DLG2: variants seen among roughly 807,000 people sequenced by gnomAD.
DLG2 encodes the protein discs large MAGUK scaffold protein 2.
A neutral mutation model predicts 132.5 loss-of-function variants in DLG2; 45 were observed. The ratio of observed to expected loss-of-function variants is 0.34; its 90% CI spans 0.27 to 0.44. The LOEUF (loss-of-function observed/expected upper bound fraction) is 0.44. Ranked by LOEUF, DLG2 falls within the 20% of genes least tolerant of loss-of-function variation. DLG2 has a pLI of 1.00. For missense variants in DLG2, 1,045 were observed against 1,196.9 expected (o/e 0.87, Z 1.87); for synonymous variants, 424 against 419.6 (o/e 1.01, Z -0.13).
intron 9 of DLG2, among the ~76,000 whole-genome samples, chr11:84,147,102 C>A (rs1229430299): frequency 2.6e-5 from 4 of 152,020 alleles, no homozygotes; most frequent in African/African-American, 9.7e-5. Flanking sequence ...CGCTCAGGTG[C>A]CAGCTTCTAA....
At chr11:85,257,371 TATGAGAAAGAAAACATA>T (rs1394087678) in intron 4 of DLG2, among the ~76,000 whole-genome samples, 2 of 152,182 alleles carry the variant, frequency 1.3e-5, no homozygotes, top group African/African-American at 4.8e-5. Flanking sequence ...TACAAAAGTG[TATGAGAAAGAAAACATA>T]ATCTAGCTAT....
chr11:84,761,725 C>T (rs2153864383), intron 6 of DLG2, among the ~76,000 whole-genome samples: 1 of 152,250 alleles, frequency 6.6e-6, no homozygotes, highest in East Asian at 1.9e-4. Flanking sequence ...AGACTGAAGG[C>T]TGCTATTGGC....
chr11:83,476,854 G>A (rs2092661360), intron 22 of DLG2, among the ~76,000 whole-genome samples: 1 of 152,062 alleles, frequency 6.6e-6, no homozygotes, highest in African/African-American at 2.4e-5. Flanking sequence ...AAATAGTTTT[G>A]TTGCAGAAAT....
chr11:83,601,134 G>A (rs2058468293), intron 19 of DLG2, among the ~76,000 whole-genome samples: 1 of 152,168 alleles, frequency 6.6e-6, no homozygotes, highest in Admixed American at 6.5e-5. Flanking sequence ...CTCAATAAAT[G>A]TTTACTGAAG....
intron 4 of DLG2, among the ~76,000 whole-genome samples, chr11:85,214,990 C>T (rs989776808): frequency 6.6e-6 from 1 of 152,132 alleles, no homozygotes; most frequent in Admixed American, 6.6e-5. Flanking sequence ...TATCAATTCC[C>T]TGTGCATTTG....
At chr11:84,753,332 C>T (rs1039085704) in intron 6 of DLG2, among the ~76,000 whole-genome samples, 23 of 152,236 alleles carry the variant, frequency 1.5e-4, no homozygotes, top group African/African-American at 5.5e-4. Context: ...AGTTAGGAAA[C>T]AAATCCCATA....
chr11:83,911,733 A>T (rs1237203741), intron 15 of DLG2, among the ~76,000 whole-genome samples: 1 of 152,138 alleles, frequency 6.6e-6, no homozygotes, highest in African/African-American at 2.4e-5. Flanking sequence ...AGTGTTCTCT[A>T]ATAAGGCTAG....
chr11:84,596,052 T>G (rs932117593), intron 6 of DLG2, among the ~76,000 whole-genome samples: 1 of 152,140 alleles, frequency 6.6e-6, no homozygotes, highest in African/African-American at 2.4e-5. Context: ...AGAAAAAATA[T>G]TTTTTCCACA....
At chr11:84,853,591 C>T (rs1415537085) in intron 6 of DLG2, among the ~76,000 whole-genome samples, 6 of 151,976 alleles carry the variant, frequency 3.9e-5, no homozygotes, top group Non-Finnish European at 7.4e-5. Flanking sequence ...TACCCTGCAT[C>T]GAGCACTGTG....
At chr11:83,674,146 C>T (rs1309259177) in intron 18 of DLG2, among the ~76,000 whole-genome samples, 1 of 152,120 alleles carries the variant, frequency 6.6e-6, no homozygotes, top group Non-Finnish European at 1.5e-5. Flanking sequence ...GGTATTAATG[C>T]TTTAGTTGCT....
chr11:84,829,571 AG>A (rs1366364403), intron 6 of DLG2, among the ~76,000 whole-genome samples: 2 of 151,744 alleles, frequency 1.3e-5, no homozygotes, highest in African/African-American at 4.8e-5. Context: ...ACAGTTAAAC[AG>A]GTCTATATTT....
intron 6 of DLG2, among the ~76,000 whole-genome samples, chr11:84,947,471 T>C (rs1345529990): frequency 6.6e-6 from 1 of 152,196 alleles, no homozygotes; most frequent in Non-Finnish European, 1.5e-5. Flanking sequence ...ACTAATCACA[T>C]AGGATGTCCC....
At chr11:84,975,789 C>T (rs1263462978) in intron 6 of DLG2, among the ~76,000 whole-genome samples, 1 of 152,182 alleles carries the variant, frequency 6.6e-6, no homozygotes. Flanking sequence ...AAACTGTCTT[C>T]CTCTCCTGGT....
At chr11:85,574,441 T>C (rs990553263) in intron 3 of DLG2, among the ~76,000 whole-genome samples, 1 of 146,814 alleles carries the variant, frequency 6.8e-6, no homozygotes, top group African/African-American at 2.5e-5. Context: ...AAAAAAAAAA[T>C]GACTCCTCCT....
intron 6 of DLG2, among the ~76,000 whole-genome samples, chr11:84,777,325 A>G (rs1229784809): frequency 1.4e-5 from 1 of 73,056 alleles, no homozygotes; most frequent in Non-Finnish European, 2.9e-5. Context: ...ATATATATAT[A>G]CGTTTTCTTT....
chr11:84,908,068 G>A (rs1328486372), intron 6 of DLG2, among the ~76,000 whole-genome samples: 2 of 151,968 alleles, frequency 1.3e-5, no homozygotes, highest in Admixed American at 1.3e-4. Context: ...TCAATGTCAA[G>A]GGCCTCTCCA....
chr11:84,696,074 C>A (rs2058581875), intron 6 of DLG2, among the ~76,000 whole-genome samples: 2 of 151,306 alleles, frequency 1.3e-5, no homozygotes, highest in South Asian at 4.1e-4. Context: ...GGAGAGAAAA[C>A]AAAATTGAAT....
chr11:83,737,407 G>A (rs778715883), intron 18 of DLG2, among the ~76,000 whole-genome samples: 8 of 152,164 alleles, frequency 5.3e-5, no homozygotes, highest in Non-Finnish European at 1.0e-4. Flanking sequence ...CTTTCATATT[G>A]ATTGGTTCTA....
intron 18 of DLG2, among the ~76,000 whole-genome samples, chr11:83,690,834 T>C (rs368491829): frequency 6.6e-6 from 1 of 152,338 alleles, no homozygotes; most frequent in Non-Finnish European, 1.5e-5. Flanking sequence ...GAAACTTTTA[T>C]ATAAAAGTTA....
Sources: allele counts gnomAD v4.1 joint callset (sites outside exome capture counted in the v4.1 genomes callset), GRCh38; gene constraint gnomAD v4.1.1; transcripts MANE v1.5; gene names NCBI Gene and HGNC (gene_info 2026-07-23, HGNC 2026-07-21).